AFG1L: variants seen among roughly 807,000 people sequenced by gnomAD.
The protein encoded by AFG1L is AFG1-like ATPase.
In AFG1L, 53 loss-of-function variants were observed where a neutral mutation model predicts 62.2. That is an observed-to-expected ratio of 0.85 (90% CI 0.68 to 1.07). The LOEUF (loss-of-function observed/expected upper bound fraction) is 1.07. AFG1L is among the 50% of genes least tolerant of loss of function. The pLI is 0.00. For synonymous variants in AFG1L, 228 were observed against 210.3 expected (o/e 1.08, Z -0.73); for missense variants, 555 against 590.5 (o/e 0.94, Z 0.62).
intron 6 of AFG1L, among the ~76,000 whole-genome samples, chr6:108,376,968 C>A (rs1409847416): frequency 6.6e-6 from 1 of 152,050 alleles, no homozygotes; most frequent in African/African-American, 2.4e-5. Context: ...TTGAATATAA[C>A]CCTTTATCAT....
chr6:108,416,405 A>C (rs566057763), intron 7 of AFG1L, among the ~76,000 whole-genome samples: 52 of 152,278 alleles, frequency 3.4e-4, no homozygotes, highest in Non-Finnish European at 6.5e-4. Flanking sequence ...ACCATTTGAC[A>C]CAGCCATCCC....
intron 7 of AFG1L, among the ~76,000 whole-genome samples, chr6:108,437,464 A>G (rs1771358622): frequency 6.6e-6 from 1 of 152,148 alleles, no homozygotes. Context: ...TAGGATTAAG[A>G]GGCAGTCCCA....
chr6:108,418,768 T>C (rs552264949), intron 7 of AFG1L, among the ~76,000 whole-genome samples: 2 of 152,250 alleles, frequency 1.3e-5, no homozygotes, highest in Admixed American at 1.3e-4. Context: ...ATCTTAAATG[T>C]ACATTCACTG....
At chr6:108,451,349 C>T (rs1772047609) in intron 8 of AFG1L, among the ~76,000 whole-genome samples, 1 of 152,060 alleles carries the variant, frequency 6.6e-6, no homozygotes, top group Non-Finnish European at 1.5e-5. Flanking sequence ...CAAGAATTAC[C>T]ACAGATTTCT....
intron 2 of AFG1L, among the ~76,000 whole-genome samples, chr6:108,342,124 C>T (rs1026467137): frequency 6.6e-6 from 1 of 152,122 alleles, no homozygotes; most frequent in Non-Finnish European, 1.5e-5. Flanking sequence ...AGGGATGCAG[C>T]TCTACTGGGA....
chr6:108,368,057 T>G (rs1364844751), intron 6 of AFG1L, among the ~76,000 whole-genome samples: 4 of 152,194 alleles, frequency 2.6e-5, no homozygotes, highest in Non-Finnish European at 5.9e-5. Flanking sequence ...GTCTCTCTCA[T>G]TCTATGTTTG....
At chr6:108,473,085 C>A (rs970460488) in intron 8 of AFG1L, among the ~76,000 whole-genome samples, 4 of 152,020 alleles carry the variant, frequency 2.6e-5, no homozygotes, top group African/African-American at 9.7e-5. Flanking sequence ...TCTAGGCATG[C>A]GTCCCACGCC....
chr6:108,462,035 C>T (rs1346779335), intron 8 of AFG1L, among the ~76,000 whole-genome samples: 1 of 151,852 alleles, frequency 6.6e-6, no homozygotes, highest in African/African-American at 2.4e-5. Flanking sequence ...GTGGAGCTTG[C>T]AGTGAGCCGA....
Position 108,511,089 on chromosome 6 carries a change from C to CAA in AFG1L, c.1203+751_1203+752dup, listed in dbSNP as rs532017667. On this transcript the variant is annotated intron_variant, in intron 11 of 12. Transcript: ENST00000368977. ...GGTGACAGAGTGAGGCCCTATCTCT[C>CAA]AAAAAAAAAAAAAAAGAAGAAGAAG... Among the ~76,000 whole-genome samples, 510 of 74,026 alleles carry CAA rather than the reference C, an allele frequency of 6.9e-3. 9 individuals carry two copies. The highest frequency in any genetic ancestry group is 0.025 in the African/African-American group (486 of 19,392). 48.6% of individuals were successfully genotyped at this position (74,026 alleles called of 152,430 possible). A position where few individuals can be genotyped will look rare whatever the true frequency, so the allele number is the denominator to read the frequency against.
chr6:108,437,357 A>T (rs1293388091), intron 7 of AFG1L, among the ~76,000 whole-genome samples: 1 of 152,184 alleles, frequency 6.6e-6, no homozygotes, highest in South Asian at 2.1e-4. Context: ...ATTACTTTGT[A>T]CTTTTCATTT....
In AFG1L at chr6:108,366,154, A is replaced by T. The variant is rs1404099836; in HGVS notation, c.649-79A>T. The T allele has an allele frequency of 2.1e-5, 14 of 678,896 alleles. No homozygotes were observed. The Admixed American group carries it at 2.7e-4, about 13-fold the overall frequency. 42.1% of individuals were successfully genotyped at this position (678,896 alleles called of 1,614,324 possible). On this transcript the variant is annotated intron_variant, in intron 5 of 12. Transcript: ENST00000368977. ...TTCTCTTGGAATTTACTTCCATCTT[A>T]AAAAAAAAGATGATCCACTAGCAAA... is the stretch of plus-strand genomic sequence containing the variant.
chr6:108,514,583 C>T (rs1392896776), intron 11 of AFG1L, among the ~76,000 whole-genome samples: 3 of 152,220 alleles, frequency 2.0e-5, no homozygotes, highest in Non-Finnish European at 2.9e-5. Flanking sequence ...GAAGAAACTG[C>T]ATCCACTAAC....
At chr6:108,400,783 T>C (rs1331304657) in intron 6 of AFG1L, among the ~76,000 whole-genome samples, 2 of 124,946 alleles carry the variant, frequency 1.6e-5, no homozygotes, top group African/African-American at 6.3e-5. Flanking sequence ...ATATATGTTA[T>C]ATATAAAATT....
In AFG1L at chr6:108,523,654, T is replaced by C. The variant is rs1215040267; in HGVS notation, c.*1229T>C. 2.6e-5 allele frequency: 4 copies of C among 152,262 alleles called. No individual in the cohort carries two copies. The highest frequency in any genetic ancestry group is 3.9e-4 in the East Asian group (2 of 5,184). The allele number at this position is 152,262 out of a possible 1,614,324, so 9.4% of individuals were successfully genotyped here. A position where few individuals can be genotyped will look rare whatever the true frequency, so the allele number is the denominator to read the frequency against. On this transcript the variant is annotated 3_prime_UTR_variant, in exon 13 of 13. Coordinates refer to ENST00000368977, the MANE Select transcript of AFG1L (RefSeq NM_145315.5). ...TTTATTATTATTTTTATTTTTTATA[T>C]CTTGGCCACTCTAGCCATCTCCTGG...
At chr6:108,411,538 G>A (rs1293019500) in intron 7 of AFG1L, among the ~76,000 whole-genome samples, 1 of 152,160 alleles carries the variant, frequency 6.6e-6, no homozygotes, top group Non-Finnish European at 1.5e-5. Flanking sequence ...ATACAGCTGG[G>A]TGCCCCTCTG....
At chr6:108,361,060 A>G (rs1481612067) in intron 5 of AFG1L, among the ~76,000 whole-genome samples, 3 of 152,264 alleles carry the variant, frequency 2.0e-5, no homozygotes, top group African/African-American at 7.2e-5. Flanking sequence ...TGTTTACAGC[A>G]TGCCTTTCAC....
chr6:108,427,848 T>G (rs1026702037), intron 7 of AFG1L, among the ~76,000 whole-genome samples: 1 of 152,184 alleles, frequency 6.6e-6, no homozygotes, highest in Non-Finnish European at 1.5e-5. Context: ...GGTCAAAGGC[T>G]CTTGTAATTA....
At chr6:108,377,051 T>G (rs1265476394) in intron 6 of AFG1L, among the ~76,000 whole-genome samples, 1 of 152,142 alleles carries the variant, frequency 6.6e-6, no homozygotes, top group African/African-American at 2.4e-5. Context: ...ATAAGATTTT[T>G]TTGGTCTTTT....
At chr6:108,348,031 A>C (rs1485530648) in intron 3 of AFG1L, among the ~76,000 whole-genome samples, 1 of 152,090 alleles carries the variant, frequency 6.6e-6, no homozygotes, top group East Asian at 1.9e-4. Flanking sequence ...TTTTTAGGAA[A>C]AGAAAAAAAA....
Sources: gnomAD v4.1 joint callset for allele counts (sites outside exome capture counted in the v4.1 genomes callset) on GRCh38, gnomAD v4.1.1 for gene constraint, MANE v1.5 for transcripts, NCBI Gene and HGNC (gene_info 2026-07-23, HGNC 2026-07-21) for gene names.